The following CADPS2 variants were observed in gnomAD, a reference collection of about 807,000 sequenced individuals.
The protein encoded by CADPS2 is calcium dependent secretion activator 2, also known as calcium-dependent secretion activator 2.
A neutral mutation model predicts 172.5 loss-of-function variants in CADPS2; 93 were observed. The observed-to-expected ratio is 0.54, with a 90% CI of 0.46 to 0.64. CADPS2 has a LOEUF of 0.64. Among genes scored for constraint, CADPS2 ranks in the 30% least tolerant of loss-of-function variants. The pLI is 0.00. For synonymous variants in CADPS2, 546 were observed against 555.2 expected (o/e 0.98, Z 0.23); for missense variants, 1,420 against 1,565.9 (o/e 0.91, Z 1.57).
At chr7:122,838,634 A>G (rs1354845814) in intron 1 of CADPS2, among the ~76,000 whole-genome samples, 5 of 151,934 alleles carry the variant, frequency 3.3e-5, no homozygotes, top group Non-Finnish European at 7.3e-5. Context: ...TAAACCAATA[A>G]CAGACAAACA....
chr7:122,552,085 C>A (rs1014425063), intron 8 of CADPS2, among the ~76,000 whole-genome samples: 3 of 152,144 alleles, frequency 2.0e-5, no homozygotes, highest in African/African-American at 7.2e-5. Context: ...GGTTAAAGCA[C>A]CTCTAACTGT....
chr7:122,627,328 G>A (rs2076176550), intron 4 of CADPS2, among the ~76,000 whole-genome samples: 1 of 152,100 alleles, frequency 6.6e-6, no homozygotes, highest in Admixed American at 6.6e-5. Flanking sequence ...TCATTAAGAC[G>A]GCTTCACTTT....
chr7:122,597,886 C>T (rs2072105073), intron 6 of CADPS2, among the ~76,000 whole-genome samples: 1 of 151,214 alleles, frequency 6.6e-6, no homozygotes, highest in South Asian at 2.1e-4. Context: ...GAACTTTTGG[C>T]AAAGGCAGAC....
At chr7:122,585,388 CAGTT>C (rs2069501900) in intron 6 of CADPS2, 2 of 141,224 alleles carry the variant, frequency 1.4e-5, no homozygotes, top group African/African-American at 2.6e-5. Flanking sequence ...TGAAAAGACA[CAGTT>C]AGAAAAATCA....
intron 16 of CADPS2, among the ~76,000 whole-genome samples, chr7:122,441,034 AAC>A (rs2051280971): frequency 1.3e-5 from 2 of 151,532 alleles, no homozygotes; most frequent in South Asian, 4.1e-4. Flanking sequence ...CATTTAAGGT[AAC>A]ACATACACTG....
At chr7:122,660,088 T>C (rs1036859796) in intron 3 of CADPS2, among the ~76,000 whole-genome samples, 3 of 152,152 alleles carry the variant, frequency 2.0e-5, no homozygotes, top group East Asian at 3.8e-4. Context: ...GAGGAATAAA[T>C]GAAGGTAAAA....
chr7:122,731,803 T>C (rs1384891785), intron 2 of CADPS2, among the ~76,000 whole-genome samples: 5 of 151,776 alleles, frequency 3.3e-5, no homozygotes, highest in Non-Finnish European at 7.4e-5. Context: ...TACCTGCCAT[T>C]TCTTTCTTCT....
intron 7 of CADPS2, among the ~76,000 whole-genome samples, chr7:122,556,953 C>T (rs2065105510): frequency 6.6e-6 from 1 of 152,086 alleles, no homozygotes; most frequent in African/African-American, 2.4e-5. Flanking sequence ...GGTATATTCA[C>T]AATCATCTGC....
intron 7 of CADPS2, among the ~76,000 whole-genome samples, chr7:122,571,694 C>A (rs753700040): frequency 8.5e-5 from 13 of 152,158 alleles, no homozygotes; most frequent in Non-Finnish European, 1.6e-4. Context: ...TCCCTGTCTG[C>A]GCTCCTGCTT....
At chr7:122,704,199 GC>G (rs2086621102) in intron 2 of CADPS2, among the ~76,000 whole-genome samples, 2 of 151,882 alleles carry the variant, frequency 1.3e-5, no homozygotes, top group Non-Finnish European at 2.9e-5. Flanking sequence ...GTATTCCCTG[GC>G]CTATTTTAGT....
chr7:122,532,338 C>G (rs1183261798), intron 8 of CADPS2, among the ~76,000 whole-genome samples: 7 of 152,068 alleles, frequency 4.6e-5, no homozygotes, highest in Non-Finnish European at 1.0e-4. Context: ...GGTAACTTTC[C>G]TAAGAAACAC....
intron 1 of CADPS2, among the ~76,000 whole-genome samples, chr7:122,864,286 A>C (rs770076210): frequency 2.6e-5 from 4 of 152,110 alleles, no homozygotes; most frequent in Non-Finnish European, 5.9e-5. Flanking sequence ...AGCAAGGCTA[A>C]AAATGTGTTA....
At position 122,819,891 on chromosome 7, in the gene CADPS2, T is replaced by C. The variant is rs191257849; in HGVS notation, c.339+66108A>G. ...CATCTCATTAAAACCTAATCACCCT[T>C]ACCCCACTCAACGCCAATATCCCAT... On this transcript the variant is annotated intron_variant, in intron 1 of 29. Coordinates refer to ENST00000449022, the MANE Select transcript of CADPS2 (RefSeq NM_017954.11). 3.0e-3 allele frequency among the ~76,000 whole-genome samples: 462 copies of C among 152,106 alleles called. 2 individuals carry two copies. The highest frequency in any genetic ancestry group is 0.01 in the African/African-American group (423 of 41,490).
At chr7:122,817,780 C>G (rs1801917758) in intron 1 of CADPS2, among the ~76,000 whole-genome samples, 1 of 151,988 alleles carries the variant, frequency 6.6e-6, no homozygotes, top group Non-Finnish European at 1.5e-5. Context: ...GGCAATTACC[C>G]CAACCTCGTA....
chr7:122,435,315 C>T (rs1241499840), intron 17 of CADPS2, among the ~76,000 whole-genome samples: 1 of 151,914 alleles, frequency 6.6e-6, no homozygotes, highest in African/African-American at 2.4e-5. Context: ...AGCAGAAACC[C>T]AAATAGCCCA....
chr7:122,535,250 A>C (rs2062140936), intron 8 of CADPS2, among the ~76,000 whole-genome samples: 1 of 152,090 alleles, frequency 6.6e-6, no homozygotes, highest in African/African-American at 2.4e-5. Flanking sequence ...GTGAGTTCAA[A>C]TCATGGTCAC....
chr7:122,358,181 T>C (rs1264567061), intron 27 of CADPS2, among the ~76,000 whole-genome samples: 2 of 152,176 alleles, frequency 1.3e-5, no homozygotes, highest in Admixed American at 6.5e-5. Flanking sequence ...AACAAGTACA[T>C]AGTGGTATCT....
intron 22 of CADPS2, among the ~76,000 whole-genome samples, chr7:122,392,808 C>T (rs938798752): frequency 6.6e-6 from 1 of 152,000 alleles, no homozygotes; most frequent in African/African-American, 2.4e-5. Flanking sequence ...TTTCTACTTG[C>T]ACAAGATAAG....
At chr7:122,863,428 T>C (rs1312687777) in intron 1 of CADPS2, among the ~76,000 whole-genome samples, 1 of 152,172 alleles carries the variant, frequency 6.6e-6, no homozygotes, top group East Asian at 1.9e-4. Flanking sequence ...CCCTAGACCC[T>C]ACCCACTAAA....
Sources: gnomAD v4.1 joint callset for allele counts (sites outside exome capture counted in the v4.1 genomes callset) on GRCh38, gnomAD v4.1.1 for gene constraint, MANE v1.5 for transcripts, NCBI Gene and HGNC (gene_info 2026-07-23, HGNC 2026-07-21) for gene names.